The following ZSCAN25 variants were observed in gnomAD, a reference collection of about 807,000 sequenced individuals.
ZSCAN25 encodes the protein zinc finger and SCAN domain-containing protein 25.
In ZSCAN25, 27 loss-of-function variants were observed where a neutral mutation model predicts 38.7. The ratio of observed to expected loss-of-function variants is 0.70; its 90% confidence interval spans 0.51 to 0.96. The LOEUF (loss-of-function observed/expected upper bound fraction) is 0.96. Among genes scored for constraint, ZSCAN25 ranks in the 40% least tolerant of loss-of-function variants. The pLI is 0.00. For synonymous variants in ZSCAN25, 273 were observed against 277.7 expected (o/e 0.98, Z 0.17); for missense variants, 637 against 705.9 (o/e 0.90, Z 1.11).
the ZSCAN25 span, among the ~76,000 whole-genome samples, chr7:99,640,705 A>T: frequency 0.013 from 2,013 of 152,288 alleles, 163 homozygotes; most frequent in Admixed American, 0.11. Context: ...ACTTCCAGAG[A>T]GCCATCTTGT....
the ZSCAN25 span, among the ~76,000 whole-genome samples, chr7:99,689,374 G>A: frequency 6.6e-6 from 1 of 152,160 alleles, no homozygotes; most frequent in East Asian, 1.9e-4. Context: ...TACCATCAGA[G>A]AATACTACAA....
Position 99,631,650 on chromosome 7 carries a change from G to T in ZSCAN25, c.*1630G>T. 1.0e-6 allele frequency: 1 copy of T among 985,116 alleles called. No individual in the cohort carries two copies. Among genetic ancestry groups the T allele is most frequent in the South Asian group, 4.7e-5 (1 of 21,272 alleles). 61.0% of individuals were successfully genotyped at this position (985,116 alleles called of 1,614,324 possible). ...TTTTTCATTTTCCATTGTAAATAAG[G>T]TAAATGGTAATGACTAACACAAAGC... On this transcript the variant is annotated 3_prime_UTR_variant, in exon 8 of 8. Coordinates refer to ENST00000394152, the MANE Select transcript of ZSCAN25 (RefSeq NM_145115.3).
rs1387679252 is a variant in ZSCAN25 at position 99,619,570 on chromosome 7, T to C, written c.-37T>C. The C allele has an allele frequency of 1.3e-6, 2 of 1,572,730 alleles. No homozygotes were observed. The highest frequency in any genetic ancestry group is 1.7e-6 in the Non-Finnish European group (2 of 1,159,428). ...CTCTTGTTCTCAAAAGGGTCATTGA[T>C]GCAGTCATTCTCAGTCTCCTCGGAG... is the stretch of plus-strand genomic sequence containing the variant. On this transcript the variant is annotated 5_prime_UTR_variant, in exon 4 of 8. The change abolishes an upstream ATG in the 5' untranslated region. Transcript: ENST00000394152.
chr7:99,663,999 A>G, the ZSCAN25 span: 2 of 1,593,092 alleles, frequency 1.3e-6, no homozygotes, highest in Admixed American at 1.9e-5. Context: ...ACTTTTCTTC[A>G]TTCTGTTTAC....
the ZSCAN25 span, chr7:99,685,208 GTCC>G: frequency 1.2e-6 from 2 of 1,613,630 alleles, no homozygotes; most frequent in Admixed American, 1.7e-5. Flanking sequence ...GGTTGAAGAA[GTCC>G]TCCTAAGCGT....
the ZSCAN25 span, chr7:99,666,840 G>A: frequency 6.3e-7 from 1 of 1,575,706 alleles, no homozygotes; most frequent in Middle Eastern, 1.9e-4. Flanking sequence ...ACCATTTTTA[G>A]GAAGCTCGAA....
At chr7:99,671,708 A>G in the ZSCAN25 span, 2 of 650,732 alleles carry the variant, frequency 3.1e-6, no homozygotes, top group South Asian at 1.7e-5. Flanking sequence ...AGAACAATCC[A>G]TAAAAGGAAA....
chr7:99,677,861 G>C, the ZSCAN25 span, among the ~76,000 whole-genome samples: 1 of 152,200 alleles, frequency 6.6e-6, no homozygotes, highest in Non-Finnish European at 1.5e-5. Context: ...GTGAGGACAA[G>C]CTATTGAGTT....
chr7:99,687,766 A>G, the ZSCAN25 span, among the ~76,000 whole-genome samples: 1 of 152,360 alleles, frequency 6.6e-6, no homozygotes, highest in South Asian at 2.1e-4. Context: ...AAGGGCAGCC[A>G]GAGAGAAAGG....
chr7:99,628,601 C>T (rs1807702892), intron 7 of ZSCAN25, among the ~76,000 whole-genome samples: 1 of 152,196 alleles, frequency 6.6e-6, no homozygotes, highest in South Asian at 2.1e-4. Context: ...TTCATTCAGC[C>T]AGCAGTTAGC....
the ZSCAN25 span, among the ~76,000 whole-genome samples, chr7:99,640,633 G>A: frequency 6.6e-6 from 1 of 152,080 alleles, no homozygotes; most frequent in African/African-American, 2.4e-5. Context: ...AATTCACTTG[G>A]GCCTCTCACA....
chr7:99,666,508 T>C, the ZSCAN25 span: 5 of 1,353,556 alleles, frequency 3.7e-6, no homozygotes, highest in South Asian at 5.9e-5. Flanking sequence ...GTCTGGTCAC[T>C]GGAGTAACCC....
At chr7:99,734,482 C>G in the ZSCAN25 span, among the ~76,000 whole-genome samples, 1 of 152,156 alleles carries the variant, frequency 6.6e-6, no homozygotes, top group African/African-American at 2.4e-5. Flanking sequence ...TCCCTAAACC[C>G]TTCTTTCCAC....
rs1327747599 is a variant in ZSCAN25, at chr7:99,630,497, TGA to T, written c.*482_*483del. 3.0e-6 allele frequency: 3 copies of T among 996,836 alleles called. No individual in the cohort carries two copies. The highest frequency in any genetic ancestry group is 3.6e-6 in the Non-Finnish European group (3 of 837,016). 61.7% of individuals were successfully genotyped at this position (996,836 alleles called of 1,614,324 possible). ...CTGGCCGTGGGAATGCCGTGGTGAA[TGA>T]GAGACTAGACGTGATGCCTCTGGGG... On this transcript the variant is annotated 3_prime_UTR_variant, in exon 8 of 8. Coordinates refer to ENST00000394152, the MANE Select transcript of ZSCAN25 (RefSeq NM_145115.3).
the ZSCAN25 span, among the ~76,000 whole-genome samples, chr7:99,718,103 C>G: frequency 1.3e-5 from 2 of 151,892 alleles, no homozygotes; most frequent in African/African-American, 4.8e-5. Context: ...AGGGGAACAT[C>G]ACACACTGGG....
the ZSCAN25 span, among the ~76,000 whole-genome samples, chr7:99,641,684 A>C: frequency 4.6e-5 from 7 of 152,070 alleles, no homozygotes; most frequent in Non-Finnish European, 1.0e-4. Context: ...GGACCCTCTA[A>C]TGCCCCAGTT....
At chr7:99,676,038 G>C in the ZSCAN25 span, 1 of 1,278,068 alleles carries the variant, frequency 7.8e-7, no homozygotes. Flanking sequence ...CCCTCCCAAG[G>C]AGGGGCATTT....
At chr7:99,737,059 A>G in the ZSCAN25 span, among the ~76,000 whole-genome samples, 2 of 152,214 alleles carry the variant, frequency 1.3e-5, no homozygotes, top group South Asian at 4.1e-4. Flanking sequence ...GGTGGGTGAC[A>G]ATCCCCAGGA....
At chr7:99,648,181 A>G in the ZSCAN25 span, 1 of 1,426,156 alleles carries the variant, frequency 7.0e-7, no homozygotes, top group Non-Finnish European at 9.2e-7. Context: ...AAAATCACCA[A>G]CTACTCATGC....
Sources: allele counts gnomAD v4.1 joint callset (sites outside exome capture counted in the v4.1 genomes callset), GRCh38; gene constraint gnomAD v4.1.1; transcripts MANE v1.5; gene names NCBI Gene and HGNC (gene_info 2026-07-23, HGNC 2026-07-21).